Variants in EPYC observed in about 807,000 individuals in gnomAD.
The protein encoded by EPYC is epiphycan.
EPYC carries 28 observed loss-of-function variants against 30.1 expected under a neutral mutation model. The observed-to-expected ratio is 0.93, with a 90% CI of 0.69 to 1.28. The LOEUF (loss-of-function observed/expected upper bound fraction) is 1.28. EPYC is among the 50% of genes most tolerant of loss of function. The probability of loss-of-function intolerance (pLI) is 0.00; values close to 1 mark genes in which losing one functional copy is unlikely to be tolerated. For synonymous variants in EPYC, 144 were observed against 141.4 expected (o/e 1.02, Z -0.13); for missense variants, 382 against 383.5 (o/e 1.00, Z 0.03).
chr12:90,972,115 G>A, intron 4 of EPYC, 113 bp from the exon 5 acceptor site: 3 of 595,468 alleles, frequency 5.0e-6, no homozygotes, highest in Non-Finnish European at 8.5e-6. Context: ...CACAGTTAAT[G>A]AGATGATTAT....
chr12:90,985,492 C>G (rs1877427647), intron 2 of EPYC, among the ~76,000 whole-genome samples: 1 of 151,922 alleles, frequency 6.6e-6, no homozygotes, highest in African/African-American at 2.4e-5. Context: ...TAATAGGGAC[C>G]AAGAGGAACA....
At chr12:90,965,450 G>A (rs1565869407) in intron 6 of EPYC, among the ~76,000 whole-genome samples, 1 of 152,046 alleles carries the variant, frequency 6.6e-6, no homozygotes, top group Non-Finnish European at 1.5e-5. Context: ...TCCAAAGTAG[G>A]TGCACCATTT....
intron 2 of EPYC, among the ~76,000 whole-genome samples, chr12:90,996,612 G>A (rs1236604916): frequency 6.6e-6 from 1 of 151,794 alleles, no homozygotes; most frequent in Admixed American, 6.6e-5. Flanking sequence ...ATCTTCTAGA[G>A]TTTTAAAAAA....
chr12:91,004,134 G>A (rs937317131), intron 1 of EPYC, among the ~76,000 whole-genome samples: 7 of 151,918 alleles, frequency 4.6e-5, no homozygotes, highest in Non-Finnish European at 1.0e-4. Context: ...TAATCAAGTT[G>A]GAAACATTAA....
intron 2 of EPYC, among the ~76,000 whole-genome samples, chr12:90,980,380 T>C (rs1877297405): frequency 6.6e-6 from 1 of 152,122 alleles, no homozygotes; most frequent in East Asian, 1.9e-4. Context: ...AAAACATAAA[T>C]GCAATACAAC....
chr12:90,971,714 A>T, intron 5 of EPYC, 86 bp downstream of exon 5: 1 of 483,950 alleles, frequency 2.1e-6, no homozygotes, highest in Non-Finnish European at 3.3e-6. Context: ...AAATAAATTT[A>T]TTTTCCCTAC....
intron 4 of EPYC, 109 bp downstream of exon 4, chr12:90,972,713 G>A (rs1877082085): frequency 1.0e-6 from 1 of 975,198 alleles, no homozygotes. Context: ...ATTGATTCAT[G>A]AACCAGGCTT....
chr12:90,977,715 C>A (rs117938199), intron 3 of EPYC, among the ~76,000 whole-genome samples: 9 of 152,022 alleles, frequency 5.9e-5, no homozygotes, highest in Admixed American at 1.3e-4. Flanking sequence ...TTACTATTAC[C>A]ATCATCTTCA....
At chr12:90,989,034 A>G (rs1237717067) in intron 2 of EPYC, among the ~76,000 whole-genome samples, 1 of 152,150 alleles carries the variant, frequency 6.6e-6, no homozygotes, top group Non-Finnish European at 1.5e-5. Context: ...TTAAAGTTTC[A>G]TTCTGACACA....
chr12:90,989,559 C>T (rs1877533796), intron 2 of EPYC, among the ~76,000 whole-genome samples: 1 of 151,826 alleles, frequency 6.6e-6, no homozygotes, highest in Admixed American at 6.6e-5. Context: ...TTCATAGATT[C>T]ATAACTCTAA....
intron 2 of EPYC, among the ~76,000 whole-genome samples, chr12:90,980,542 C>G (rs1219237174): frequency 6.6e-6 from 1 of 152,154 alleles, no homozygotes; most frequent in African/African-American, 2.4e-5. Context: ...CTTCAACCAT[C>G]TTCGTACTGT....
chr12:90,964,680 G>A (rs1876850885), intron 6 of EPYC, among the ~76,000 whole-genome samples: 1 of 151,936 alleles, frequency 6.6e-6, no homozygotes, highest in African/African-American at 2.4e-5. Context: ...TTGACAAGAA[G>A]AAAAAGGCAT....
At chr12:90,976,903 G>A (rs1483915333) in intron 3 of EPYC, among the ~76,000 whole-genome samples, 2 of 152,092 alleles carry the variant, frequency 1.3e-5, no homozygotes, top group Non-Finnish European at 1.5e-5. Flanking sequence ...CTGCTGCCAT[G>A]TAAGATACGC....
intron 3 of EPYC, among the ~76,000 whole-genome samples, chr12:90,976,190 G>A (rs1877174089): frequency 6.6e-6 from 1 of 152,068 alleles, no homozygotes; most frequent in African/African-American, 2.4e-5. Context: ...GAAATGGGGA[G>A]TTGTTCAAGG....
At chr12:90,965,235 C>T (rs76267793) in intron 6 of EPYC, among the ~76,000 whole-genome samples, 234 of 152,216 alleles carry the variant, frequency 1.5e-3, no homozygotes, top group African/African-American at 5.3e-3. Flanking sequence ...TGATATACCA[C>T]ATTTTTGTTT....
chr12:90,980,465 GAC>G (rs1877299603), intron 2 of EPYC, among the ~76,000 whole-genome samples: 1 of 152,112 alleles, frequency 6.6e-6, no homozygotes. Context: ...TGCCTGGAGA[GAC>G]TTTTGTTTTG....
intron 3 of EPYC, 151 bp downstream of exon 3, chr12:90,977,937 T>C (rs1030079457): frequency 1.6e-5 from 8 of 490,136 alleles, no homozygotes; most frequent in Non-Finnish European, 2.4e-5. Context: ...TATTTGAATA[T>C]AAAATCTATG....
chr12:90,970,815 G>T (rs1327555869), intron 5 of EPYC, among the ~76,000 whole-genome samples: 1 of 152,190 alleles, frequency 6.6e-6, no homozygotes, highest in Non-Finnish European at 1.5e-5. Context: ...TGGTTATGAG[G>T]CCACACTATC....
intron 2 of EPYC, among the ~76,000 whole-genome samples, chr12:90,983,122 C>G (rs1212752847): frequency 1.3e-5 from 2 of 152,068 alleles, no homozygotes; most frequent in Admixed American, 6.6e-5. Context: ...CAAGGGTTCC[C>G]TTTTCTCCAC....
Sources: allele counts gnomAD v4.1 joint callset (sites outside exome capture counted in the v4.1 genomes callset), GRCh38; gene constraint gnomAD v4.1.1; transcripts MANE v1.5; gene names NCBI Gene and HGNC (gene_info 2026-07-23, HGNC 2026-07-21).